The following DPP9 variants were observed in gnomAD, a reference collection of about 807,000 sequenced individuals.
DPP9 encodes the protein dipeptidyl peptidase IV-related protein-2.
Under a neutral mutation model 110.7 loss-of-function variants are expected in DPP9, and 50 were observed. The observed-to-expected ratio is 0.45, with a 90% confidence interval of 0.36 to 0.57. The LOEUF (loss-of-function observed/expected upper bound fraction) is 0.57. DPP9 is among the 20% of genes least tolerant of loss of function. The pLI, the probability that DPP9 is intolerant of heterozygous loss-of-function variation, is 0.00. For synonymous variants in DPP9, 561 were observed against 514.4 expected, an observed-to-expected ratio of 1.09 and a Z score of -1.23; for missense variants, 1,022 against 1,217.9, an observed-to-expected ratio of 0.84 and a Z score of 2.39.
Position 4,682,996 on chromosome 19 carries a change from GC to G in DPP9, c.2332-159del. 1 of 1,530,188 alleles carries G rather than the reference GC, an allele frequency of 6.5e-7. No homozygotes were observed. The highest frequency in any genetic ancestry group is 1.2e-5 in the South Asian group (1 of 83,102). 94.8% of individuals were successfully genotyped at this position (1,530,188 alleles called of 1,614,324 possible). A position where few individuals can be genotyped will look rare whatever the true frequency, so the allele number is the denominator to read the frequency against. ...AAGGAAGGGGCCCTCAGACCGCGTG[GC>G]CCCCGTGGACGGTGCGTGGCATGGG... On this transcript the variant is annotated intron_variant, in intron 19 of 21. Coordinates refer to ENST00000262960, the MANE Select transcript of DPP9 (RefSeq NM_139159.5). This position sits in a 1 kb window ranked among gnomAD's most constrained non-coding sequence, Gnocchi z 7.1.
intron 16 of DPP9, among the ~76,000 whole-genome samples, chr19:4,686,318 ATTT>A (rs397859631): frequency 1.9e-5 from 2 of 105,630 alleles, no homozygotes. Context: ...CTCGAACTGT[ATTT>A]TTTTTTTTTT....
intron 19 of DPP9, 186 bp from the exon 20 acceptor site, chr19:4,683,024 G>C (rs1489957452): frequency 2.0e-6 from 3 of 1,522,750 alleles, no homozygotes; most frequent in Non-Finnish European, 2.6e-6. Context: ...TGGCATGGGG[G>C]TGGGCAGGGC....
At position 4,714,068 on chromosome 19, in the gene DPP9, G is replaced by T; in HGVS notation, c.313+13C>A. ...GCTGTCCCCGCCCAAGCAGCCTGCA[G>T]GGCCCGGCTTACCCAGGTAGTAGAG... On this transcript the variant is annotated intron_variant, in intron 4 of 21. Coordinates refer to ENST00000262960, the MANE Select transcript of DPP9 (RefSeq NM_139159.5). 1 of 1,603,328 alleles carries T rather than the reference G, an allele frequency of 6.2e-7. No homozygotes were observed. The highest frequency in any genetic ancestry group is 8.5e-7 in the Non-Finnish European group (1 of 1,173,924).
chr19:4,702,692 G>A lies in DPP9; in HGVS notation c.794C>T (p.Pro265Leu). ...GAAGGTGGCCACACCCGCAGACTTG[G>A]GGTCATCCAGGACATTGGATAAACC... ...HQGLSNVLDD[P>L]KSAGVATFVI... The change falls in exon 8 of 22, where the codon CCC becomes CTC. Residue 265 changes from proline (P) to leucine (L), a missense_variant. Coordinates refer to ENST00000262960, the MANE Select transcript of DPP9 (RefSeq NM_139159.5). 1 of 1,597,068 alleles carries A rather than the reference G, an allele frequency of 6.3e-7. No individual in the cohort carries two copies. Among genetic ancestry groups the A allele is most frequent in the Non-Finnish European group, 8.5e-7 (1 of 1,172,356 alleles).
intron 3 of DPP9, chr19:4,716,118 G>A: frequency 6.6e-6 from 1 of 152,290 alleles, no homozygotes; most frequent in Non-Finnish European, 1.5e-5. Context: ...TTGCTTGGAG[G>A]AAGTGGGAAA....
At chr19:4,703,765 G>A in intron 7 of DPP9, 121 bp downstream of exon 7, 1 of 1,033,148 alleles carries the variant, frequency 9.7e-7, no homozygotes, top group Non-Finnish European at 1.4e-6. Context: ...CAGAAGGTAT[G>A]CACGGGAGGG....
chr19:4,676,286 ACCT>A lies in DPP9; in HGVS notation c.*275_*277del. 1 of 489,124 alleles carries A rather than the reference ACCT, an allele frequency of 2.0e-6. No homozygotes were observed. Among genetic ancestry groups the A allele is most frequent in the Non-Finnish European group, 3.8e-6 (1 of 266,038 alleles). The allele number at this position is 489,124 out of a possible 1,614,324, so 30.3% of individuals were successfully genotyped here. A position where few individuals can be genotyped will look rare whatever the true frequency, so the allele number is the denominator to read the frequency against. ...CCTCTCCAGTGCCCATCAGCGTGTG[ACCT>A]CCTCCTCCCAGAAGGCGGGGAGAGG... is the stretch of plus-strand genomic sequence containing the variant. On this transcript the variant is annotated 3_prime_UTR_variant, in exon 22 of 22. Coordinates refer to ENST00000262960, the MANE Select transcript of DPP9 (RefSeq NM_139159.5). The surrounding 1 kb of genome is among the most constrained non-coding windows in gnomAD (Gnocchi z 4.0).
In DPP9 at chr19:4,683,877, G is replaced by A. The variant is rs148291050; in HGVS notation, c.2179-248C>T. On this transcript the variant is annotated intron_variant, in intron 18 of 21. Transcript: ENST00000262960. ...TGGGAGCCACGTCCCCTCTGAGGGC[G>A]TCAGTTTGCCCATCCCTAATAAAGG... 1,669 of 1,458,210 alleles carry A rather than the reference G, an allele frequency of 1.1e-3. 4 individuals are homozygous for A. Among genetic ancestry groups the A allele is most frequent in the African/African-American group, 9.5e-3 (681 of 71,510 alleles). 90.3% of individuals were successfully genotyped at this position (1,458,210 alleles called of 1,614,324 possible). A position where few individuals can be genotyped will look rare whatever the true frequency, so the allele number is the denominator to read the frequency against.
Position 4,693,924 on chromosome 19 carries a change from C to T in DPP9, c.1516+737G>A, listed in dbSNP as rs1263923611. ...TCCTGCCTGCCCCAGGGCCTTTGTA[C>T]GGGCTGTGGCTCTGCCCAGAGCCGT... On this transcript the variant is annotated intron_variant, in intron 13 of 21. Transcript: ENST00000262960. The surrounding 1 kb of genome is among the most constrained non-coding windows in gnomAD (Gnocchi z 5.0). Among the ~76,000 whole-genome samples, 2 of 152,044 alleles carry T rather than the reference C, an allele frequency of 1.3e-5. No homozygotes were observed. Among genetic ancestry groups the T allele is most frequent in the East Asian group, 1.9e-4 (1 of 5,190 alleles).
chr19:4,708,216 AC>A (rs2092679464), intron 4 of DPP9, among the ~76,000 whole-genome samples: 1 of 151,772 alleles, frequency 6.6e-6, no homozygotes, highest in African/African-American at 2.4e-5. Flanking sequence ...AAATCCTTAA[AC>A]CCTCACATAA....
intron 3 of DPP9, among the ~76,000 whole-genome samples, chr19:4,716,911 G>A (rs930425173): frequency 9.9e-5 from 15 of 152,186 alleles, no homozygotes; most frequent in Admixed American, 4.6e-4. Flanking sequence ...TGCCCGTGCC[G>A]TGCTCTGCGA....
In DPP9 at chr19:4,684,835, C is replaced by A; in HGVS notation, c.2032-26G>T. On this transcript the variant is annotated intron_variant, in intron 17 of 21. Transcript: ENST00000262960. The surrounding 1 kb of genome is among the most constrained non-coding windows in gnomAD (Gnocchi z 4.8). ...CTGTGGGGAGGTGAGGGCCAGCAGT[C>A]CAGCACGAGATGCCGGGCAGGACGG... 6.3e-7 allele frequency: 1 copy of A among 1,579,430 alleles called. No homozygotes were observed. Among genetic ancestry groups the A allele is most frequent in the East Asian group, 2.3e-5 (1 of 42,990 alleles).
intron 13 of DPP9, among the ~76,000 whole-genome samples, chr19:4,691,670 CTTTTTT>C (rs1006998596): frequency 1.1e-5 from 1 of 95,090 alleles, no homozygotes; most frequent in African/African-American, 4.4e-5. Context: ...TAAAACCAGA[CTTTTTT>C]TTTTTTTTTT....
rs1261263804 is a variant in DPP9, at chr19:4,682,788, C to T, written c.2382G>A (p.Gly794=). The part of the protein sequence containing the change: ...PVTVWMAYDT[G]YTERYMDVPE... ...GGACGTCCATGTAGCGCTCAGTGTA[C>T]CCTGTGTCGTAGGCCATCCAGACGG... is the stretch of plus-strand genomic sequence containing the variant. The change falls in exon 20 of 22, where the codon GGG becomes GGA. Residue 794 remains glycine, a synonymous_variant. Transcript: ENST00000262960. The surrounding 1 kb of genome is among the most constrained non-coding windows in gnomAD (Gnocchi z 7.1). 5 of 1,600,260 alleles carry T rather than the reference C, an allele frequency of 3.1e-6. No homozygotes were observed. Among genetic ancestry groups the T allele is most frequent in the Admixed American group, 1.7e-5 (1 of 57,764 alleles).
chr19:4,715,893 AG>A (rs1442346456), intron 3 of DPP9: 1 of 152,262 alleles, frequency 6.6e-6, no homozygotes, highest in Non-Finnish European at 1.5e-5. Flanking sequence ...CTCGTCACTT[AG>A]CACACTCCTT....
rs770659719 is a variant in DPP9 at position 4,684,812 on chromosome 19, G to A, written c.2032-3C>T. 6.3e-7 allele frequency: 1 copy of A among 1,588,710 alleles called. No homozygotes were observed. Among genetic ancestry groups the A allele is most frequent in the African/African-American group, 1.3e-5 (1 of 74,538 alleles). On this transcript the variant is annotated splice_region_variant and splice_polypyrimidine_tract_variant and intron_variant, in intron 17 of 21. Coordinates refer to ENST00000262960, the MANE Select transcript of DPP9 (RefSeq NM_139159.5). The surrounding 1 kb of genome is among the most constrained non-coding windows in gnomAD (Gnocchi z 4.8). Reference sequence around the variant, plus strand: ...AAGGAGTTATTCACCAGCTGCACCTGTGGGGAGGTGAGGGCCAGCAGTCCA... The same window carrying A: ...AAGGAGTTATTCACCAGCTGCACCTATGGGGAGGTGAGGGCCAGCAGTCCA...
intron 4 of DPP9, among the ~76,000 whole-genome samples, chr19:4,707,518 G>C (rs1016175758): frequency 2.6e-5 from 4 of 151,600 alleles, no homozygotes; most frequent in African/African-American, 4.9e-5. Flanking sequence ...CCGGTGCCCT[G>C]GCCCCTCCTT....
chr19:4,700,402 A>C lies in DPP9; in HGVS notation c.1013-125T>G. On this transcript the variant is annotated intron_variant, in intron 9 of 21. Coordinates refer to ENST00000262960, the MANE Select transcript of DPP9 (RefSeq NM_139159.5). The surrounding 1 kb of genome is among the most constrained non-coding windows in gnomAD (Gnocchi z 4.3). Reference sequence around the variant, plus strand: ...GGTGTACAATTGGAGTGGGGGAGGCAGGAGAAGCCAGGTGTCCCACGGTCT... The same window carrying C: ...GGTGTACAATTGGAGTGGGGGAGGCCGGAGAAGCCAGGTGTCCCACGGTCT... The C allele has an allele frequency of 1.7e-6, 1 of 604,510 alleles. No individual in the cohort carries two copies. Among genetic ancestry groups the C allele is most frequent in the East Asian group, 3.3e-5 (1 of 30,496 alleles). The allele number at this position is 604,510 out of a possible 1,614,324, so 37.4% of individuals were successfully genotyped here.
At chr19:4,722,313 GGA>G in intron 2 of DPP9, 184 bp downstream of exon 2, 1 of 581,696 alleles carries the variant, frequency 1.7e-6, no homozygotes, top group Non-Finnish European at 3.1e-6. Context: ...AGCTAGAGGG[GGA>G]CAGGGGTGGA....
Sources: allele counts gnomAD v4.1 joint callset (sites outside exome capture counted in the v4.1 genomes callset), GRCh38; gene constraint gnomAD v4.1.1; non-coding constraint Gnocchi (gnomAD v3.1); transcripts MANE v1.5; gene names NCBI Gene and HGNC (gene_info 2026-07-23, HGNC 2026-07-21).